MAGI1: variants seen among roughly 807,000 people sequenced by gnomAD.
MAGI1 encodes membrane associated guanylate kinase, WW and PDZ domain containing 1.
In MAGI1, 58 loss-of-function variants were observed where a neutral mutation model predicts 139.9. The ratio of observed to expected loss-of-function variants is 0.41; its 90% CI spans 0.34 to 0.52. The LOEUF (loss-of-function observed/expected upper bound fraction) is 0.52, where lower values mean the gene tolerates loss of function less well. MAGI1 is among the 20% of genes least tolerant of loss of function. The pLI is 0.12. For missense variants in MAGI1, 1,874 were observed against 1,901.6 expected (o/e 0.99, Z 0.27); for synonymous variants, 812 against 737.9 (o/e 1.10, Z -1.63).
chr3:65,565,010 G>A (rs948120287), intron 2 of MAGI1, among the ~76,000 whole-genome samples: 1 of 152,152 alleles, frequency 6.6e-6, no homozygotes, highest in Non-Finnish European at 1.5e-5. Flanking sequence ...CTGAACTGCT[G>A]AGATACTGTG....
chr3:65,955,689 T>TTACTTC (rs2064090288), intron 1 of MAGI1, among the ~76,000 whole-genome samples: 1 of 152,200 alleles, frequency 6.6e-6, no homozygotes, highest in African/African-American at 2.4e-5. Context: ...TTGTAATTCT[T>TTACTTC]ATTTTTCTTT....
At chr3:65,723,268 ATC>A (rs1202663763) in intron 1 of MAGI1, among the ~76,000 whole-genome samples, 1 of 152,172 alleles carries the variant, frequency 6.6e-6, no homozygotes, top group Non-Finnish European at 1.5e-5. Flanking sequence ...GTTTATAAGC[ATC>A]TTGTGTCTAC....
At chr3:65,600,459 T>C (rs2082425607) in intron 2 of MAGI1, among the ~76,000 whole-genome samples, 1 of 152,172 alleles carries the variant, frequency 6.6e-6, no homozygotes, top group East Asian at 1.9e-4. Context: ...ATCTACTTGG[T>C]TTTTCTCAGA....
chr3:65,869,556 A>T lies in MAGI1; in HGVS notation c.313+168440T>A, dbSNP rs976451575. On this transcript the variant is annotated intron_variant, in intron 1 of 22. Transcript: ENST00000402939. ...GCTGGGACTACAGGCACCCGCCACC[A>T]CACCCGGCTAATTTTTTGTATTTTT... Among the ~76,000 whole-genome samples the T allele has an allele frequency of 2.0e-5, 3 of 151,428 alleles. No individual in the cohort carries two copies. The South Asian group carries it at 6.3e-4, about 32-fold the overall frequency.
chr3:65,681,510 C>T (rs1190844263), intron 1 of MAGI1, among the ~76,000 whole-genome samples: 3 of 152,154 alleles, frequency 2.0e-5, no homozygotes, highest in South Asian at 4.1e-4. Flanking sequence ...TATATCCAAC[C>T]GGGACAGACA....
chr3:65,659,071 G>C (rs2107369133), intron 1 of MAGI1, among the ~76,000 whole-genome samples: 1 of 152,210 alleles, frequency 6.6e-6, no homozygotes, highest in East Asian at 1.9e-4. Context: ...AGAAGAAAAG[G>C]GGAGATTCAG....
At chr3:65,530,430 G>A (rs2078589535) in intron 2 of MAGI1, among the ~76,000 whole-genome samples, 1 of 151,780 alleles carries the variant, frequency 6.6e-6, no homozygotes, top group Admixed American at 6.6e-5. Flanking sequence ...CCTGGGCAAT[G>A]TAATGAGACC....
intron 3 of MAGI1, among the ~76,000 whole-genome samples, chr3:65,492,267 T>C (rs1952093269): frequency 6.6e-6 from 1 of 152,204 alleles, no homozygotes; most frequent in Non-Finnish European, 1.5e-5. Flanking sequence ...AATCAAGCTA[T>C]AATACTGTTT....
At chr3:65,681,348 GA>G (rs1231301933) in intron 1 of MAGI1, among the ~76,000 whole-genome samples, 2 of 152,024 alleles carry the variant, frequency 1.3e-5, no homozygotes, top group African/African-American at 4.8e-5. Flanking sequence ...TTTCTCACGA[GA>G]GTCCCTGGAA....
In MAGI1 at chr3:65,810,456, T is replaced by C. The variant is rs192281443; in HGVS notation, c.314-188368A>G. ...TTAAATGAAACATGAGTAATTCCAT[T>C]ACAGTGTTGATTAGGAACACAAGTC... On this transcript the variant is annotated intron_variant, in intron 1 of 22. Transcript: ENST00000402939. 1.6e-4 allele frequency among the ~76,000 whole-genome samples: 25 copies of C among 152,338 alleles called. No individual in the cohort carries two copies. The East Asian group carries it at 3.7e-3, about 22-fold the overall frequency.
chr3:65,534,294 C>T (rs992364206), intron 2 of MAGI1, among the ~76,000 whole-genome samples: 1 of 151,906 alleles, frequency 6.6e-6, no homozygotes, highest in African/African-American at 2.4e-5. Flanking sequence ...CCAGCCTGGG[C>T]AAGATGGCAA....
chr3:65,850,571 G>C (rs878882531), intron 1 of MAGI1, among the ~76,000 whole-genome samples: 2 of 152,100 alleles, frequency 1.3e-5, no homozygotes, highest in East Asian at 3.9e-4. Flanking sequence ...AATAGAATAC[G>C]ATATAAACTC....
chr3:65,853,602 G>A (rs900864920), intron 1 of MAGI1, among the ~76,000 whole-genome samples: 3 of 152,182 alleles, frequency 2.0e-5, no homozygotes, highest in Non-Finnish European at 4.4e-5. Context: ...ATATTAGGGA[G>A]ACAAGCAATG....
rs1947343907 is a variant in MAGI1 at position 65,430,016 on chromosome 3, T to C, written c.1671A>G (p.Pro557=). The stretch of plus-strand genomic sequence containing the variant: ...TGGGGTCATCTGGATCAAAAGGCAA[T>C]GGATAACCTCGGCAGAGTTCAAGGT... ...SVDLELCRGY[P]LPFDPDDPNT... Residue 557 remains proline (P), a synonymous_variant, in exon 12 of 23, where the codon CCA becomes CCG. Transcript: ENST00000402939. 10 of 1,613,760 alleles carry C rather than the reference T, an allele frequency of 6.2e-6. No homozygotes were observed. The highest frequency in any genetic ancestry group is 8.5e-6 in the Non-Finnish European group (10 of 1,179,928).
intron 1 of MAGI1, among the ~76,000 whole-genome samples, chr3:65,794,765 T>C (rs264092): frequency 0.44 from 66,720 of 151,076 alleles, 15,920 homozygotes; most frequent in East Asian, 0.75. Context: ...ACATGGGCCT[T>C]GGTCTTTTTG....
chr3:65,597,892 T>C (rs754163332), intron 2 of MAGI1: 51 of 438,352 alleles, frequency 1.2e-4, no homozygotes, highest in South Asian at 6.5e-4. Context: ...CGCTGGTCCT[T>C]GGCTCTGCAG....
At chr3:65,966,983 GA>G (rs781765319) in intron 1 of MAGI1, among the ~76,000 whole-genome samples, 11 of 152,144 alleles carry the variant, frequency 7.2e-5, no homozygotes, top group Non-Finnish European at 1.6e-4. Context: ...AAAACTCTAT[GA>G]AGTTAGCACT....
At chr3:65,777,901 C>G (rs1347676010) in intron 1 of MAGI1, among the ~76,000 whole-genome samples, 2 of 152,104 alleles carry the variant, frequency 1.3e-5, no homozygotes, top group Non-Finnish European at 2.9e-5. Context: ...ATGCAGTAAA[C>G]AATCAATAAT....
intron 1 of MAGI1, among the ~76,000 whole-genome samples, chr3:65,772,627 C>T (rs906758257): frequency 6.6e-6 from 1 of 152,142 alleles, no homozygotes; most frequent in Non-Finnish European, 1.5e-5. Flanking sequence ...GAAGCAAACA[C>T]AGAGGAAGCA....
Sources: gnomAD v4.1 joint callset for allele counts (sites outside exome capture counted in the v4.1 genomes callset) on GRCh38, gnomAD v4.1.1 for gene constraint, MANE v1.5 for transcripts, NCBI Gene and HGNC (gene_info 2026-07-23, HGNC 2026-07-21) for gene names.